The following C8orf34 variants were observed in gnomAD, a reference collection of about 807,000 sequenced individuals.
The protein encoded by C8orf34 is uncharacterized protein C8orf34.
A neutral mutation model predicts 68.3 loss-of-function variants in C8orf34; 65 were observed. The observed-to-expected ratio is 0.95, with a 90% CI of 0.78 to 1.17. The LOEUF (loss-of-function observed/expected upper bound fraction) is 1.17, where lower values mean the gene tolerates loss of function less well. Ranked by LOEUF, C8orf34 falls within the 50% of genes most tolerant of loss-of-function variation. The pLI is 0.00. For synonymous variants in C8orf34, 244 were observed against 241.2 expected (o/e 1.01, Z -0.11); for missense variants, 664 against 655.4 (o/e 1.01, Z -0.14).
At chr8:68,451,887 A>G (rs1171721712) in intron 3 of C8orf34, among the ~76,000 whole-genome samples, 1 of 152,084 alleles carries the variant, frequency 6.6e-6, no homozygotes, top group Non-Finnish European at 1.5e-5. Flanking sequence ...AAAAAAAACA[A>G]CAAAAAAATT....
chr8:68,429,454 G>A (rs1002269531), intron 1 of C8orf34, among the ~76,000 whole-genome samples: 6 of 152,138 alleles, frequency 3.9e-5, no homozygotes, highest in Non-Finnish European at 7.3e-5. Flanking sequence ...TTACAATCAC[G>A]TTTATAAAAC....
chr8:68,335,001 C>T (rs1422122820), intron 1 of C8orf34, among the ~76,000 whole-genome samples: 1 of 152,164 alleles, frequency 6.6e-6, no homozygotes, highest in African/African-American at 2.4e-5. Context: ...TTATTGACCT[C>T]CCTGATCATA....
chr8:68,422,092 A>G (rs1477463282), intron 1 of C8orf34, among the ~76,000 whole-genome samples: 1 of 152,204 alleles, frequency 6.6e-6, no homozygotes, highest in Non-Finnish European at 1.5e-5. Flanking sequence ...GGGTGGGGAC[A>G]CAGAGCCAAA....
At chr8:68,455,645 T>A (rs1586173067) in intron 3 of C8orf34, among the ~76,000 whole-genome samples, 1 of 152,112 alleles carries the variant, frequency 6.6e-6, no homozygotes, top group East Asian at 1.9e-4. Context: ...GTATTACCAT[T>A]ATATGTCAGC....
chr8:68,738,815 G>A lies in C8orf34; in HGVS notation c.1404+17378G>A, dbSNP rs7845052. On this transcript the variant is annotated intron_variant, in intron 10 of 13. Transcript: ENST00000518698. ...TAAATAACCTACCAACCAAAAAAAG[G>A]CCAGGATCAGATGGATTCACAGCTG... Among the ~76,000 whole-genome samples the A allele has an allele frequency of 2.6e-3, 390 of 151,780 alleles. 4 individuals are homozygous for A. The highest frequency in any genetic ancestry group is 8.6e-3 in the African/African-American group (357 of 41,424).
chr8:68,381,457 G>A (rs1808027138), intron 1 of C8orf34, among the ~76,000 whole-genome samples: 1 of 152,140 alleles, frequency 6.6e-6, no homozygotes, highest in South Asian at 2.1e-4. Context: ...TTAAGGCCGG[G>A]CGCGGTGGCT....
chr8:68,345,628 G>A (rs895681926), intron 1 of C8orf34, among the ~76,000 whole-genome samples: 33 of 151,942 alleles, frequency 2.2e-4, no homozygotes, highest in African/African-American at 2.4e-4. Context: ...AATTGGTAGA[G>A]CAAGTAATTA....
chr8:68,449,728 T>G lies in C8orf34; in HGVS notation c.607+3268T>G, dbSNP rs184978576. ...AAAGATTCGAACAATCATCTGAGCT[T>G]TCAATGAGTCATAATCATTTTGCTG... On this transcript the variant is annotated intron_variant, in intron 3 of 13. Coordinates refer to ENST00000518698, the MANE Select transcript of C8orf34 (RefSeq NM_052958.4). Among the ~76,000 whole-genome samples the G allele has an allele frequency of 2.6e-5, 4 of 152,290 alleles. No individual in the cohort carries two copies. The East Asian group carries it at 7.7e-4, about 29-fold the overall frequency.
At chr8:68,534,123 T>TAAGCA in intron 7 of C8orf34, 2 of 983,866 alleles carry the variant, frequency 2.0e-6, no homozygotes, top group Non-Finnish European at 2.4e-6. Context: ...TAAAAAATGA[T>TAAGCA]ATATTGCTTA....
chr8:68,471,798 T>TA (rs969550509), intron 4 of C8orf34, among the ~76,000 whole-genome samples: 7 of 152,066 alleles, frequency 4.6e-5, no homozygotes, highest in African/African-American at 1.7e-4. Context: ...TTGTACGGTC[T>TA]AAAAAAATCC....
chr8:68,509,134 G>A (rs1586285441), intron 5 of C8orf34, among the ~76,000 whole-genome samples: 1 of 152,142 alleles, frequency 6.6e-6, no homozygotes, highest in South Asian at 2.1e-4. Context: ...TAAGGATAAA[G>A]ACCAATCTTA....
rs756487885 is a variant in C8orf34 at position 68,787,587 on chromosome 8, C to A, written c.1549+51C>A. On this transcript the variant is annotated intron_variant, in intron 12 of 13. Transcript: ENST00000518698. ...CAAATTTCTTTTACCAGAAGGAAAT[C>A]CACAATAAAGCTATTTCACTTTCAT... 13 of 1,310,982 alleles carry A rather than the reference C, an allele frequency of 9.9e-6. No individual in the cohort carries two copies. The African/African-American group carries it at 1.6e-4, about 17-fold the overall frequency. The allele number at this position is 1,310,982 out of a possible 1,614,324, so 81.2% of individuals were successfully genotyped here. A position where few individuals can be genotyped will look rare whatever the true frequency, so the allele number is the denominator to read the frequency against.
At chr8:68,465,582 A>G (rs1812081237) in intron 3 of C8orf34, among the ~76,000 whole-genome samples, 1 of 152,196 alleles carries the variant, frequency 6.6e-6, no homozygotes, top group Admixed American at 6.5e-5. Context: ...CTGGTTTAAG[A>G]AAATGTGGCA....
At chr8:68,347,063 T>G (rs1806314344) in intron 1 of C8orf34, among the ~76,000 whole-genome samples, 1 of 152,076 alleles carries the variant, frequency 6.6e-6, no homozygotes, top group Non-Finnish European at 1.5e-5. Context: ...CATCAGCCTA[T>G]ATTAAGCCTA....
intron 5 of C8orf34, among the ~76,000 whole-genome samples, chr8:68,503,686 CT>C (rs538748605): frequency 0.012 from 1,638 of 135,050 alleles, 23 homozygotes; most frequent in African/African-American, 0.032. Flanking sequence ...TTTTCTTTTT[CT>C]TTTTTTTTTT....
intron 11 of C8orf34, among the ~76,000 whole-genome samples, chr8:68,782,885 A>T (rs2953952): frequency 0.47 from 71,072 of 151,228 alleles, 19,386 homozygotes; most frequent in African/African-American, 0.76. Flanking sequence ...AGAGAGACCC[A>T]GTCTCTACAA....
At chr8:68,616,884 G>A in intron 7 of C8orf34, among the ~76,000 whole-genome samples, 1 of 152,302 alleles carries the variant, frequency 6.6e-6, no homozygotes, top group South Asian at 2.1e-4. Flanking sequence ...TGTTGACAGT[G>A]GGGTGTTAAA....
chr8:68,712,365 C>G (rs1280670905), intron 9 of C8orf34, among the ~76,000 whole-genome samples: 1 of 152,098 alleles, frequency 6.6e-6, no homozygotes, highest in Non-Finnish European at 1.5e-5. Flanking sequence ...ATGTAAATGT[C>G]TTAAATGCTC....
At chr8:68,403,581 G>A (rs1177577761) in intron 1 of C8orf34, among the ~76,000 whole-genome samples, 2 of 151,618 alleles carry the variant, frequency 1.3e-5, no homozygotes. Flanking sequence ...TCCCTTCCCT[G>A]TGTCCATGTG....
Sources: gnomAD v4.1 joint callset for allele counts (sites outside exome capture counted in the v4.1 genomes callset) on GRCh38, gnomAD v4.1.1 for gene constraint, MANE v1.5 for transcripts, NCBI Gene and HGNC (gene_info 2026-07-23, HGNC 2026-07-21) for gene names.